Variants in MYH14 observed in about 807,000 individuals in gnomAD.
The protein encoded by MYH14 is myosin heavy chain 14, also known as myosin-14.
In MYH14, 123 loss-of-function variants were observed where a neutral mutation model predicts 255.5. That is an observed-to-expected ratio of 0.48 (90% CI 0.42 to 0.56). The LOEUF is 0.56. Among genes scored for constraint, MYH14 ranks in the 20% least tolerant of loss-of-function variants. The pLI is 0.00. For synonymous variants in MYH14, 1,095 were observed against 1,161.2 expected, an observed-to-expected ratio of 0.94 and a Z score of 1.16; for missense variants, 2,423 against 2,802.3, an observed-to-expected ratio of 0.86 and a Z score of 3.06.
intron 26 of MYH14, 43 bp downstream of exon 26, chr19:50,272,015 T>C (rs1192598547): frequency 2.5e-6 from 4 of 1,592,538 alleles, no homozygotes; most frequent in Admixed American, 1.8e-5. Flanking sequence ...TGTGCTCTAA[T>C]GGGGGACCTC....
intron 1 of MYH14, among the ~76,000 whole-genome samples, chr19:50,206,629 G>A (rs577333786): frequency 1.3e-5 from 2 of 152,088 alleles, no homozygotes; most frequent in Non-Finnish European, 2.9e-5. Flanking sequence ...TGGGCTTGGG[G>A]ATGGGAGGAG....
Position 50,278,248 on chromosome 19 carries a change from A to G in MYH14, c.3991A>G (p.Arg1331Gly). The G allele has an allele frequency of 6.3e-7, 1 of 1,590,904 alleles. No individual in the cohort carries two copies. The highest frequency in any genetic ancestry group is 2.3e-5 in the East Asian group (1 of 43,878). Residue 1331 changes from arginine (R) to glycine (G), a missense_variant, in exon 30 of 43, where the codon AGG (arginine) becomes GGG (glycine). Coordinates refer to ENST00000642316, the MANE Select transcript of MYH14 (RefSeq NM_001145809.2). ...EVQGRAGDGE[R>G]ARAEAAEKLQ... Reference sequence around the variant, plus strand: ...GCAGGGCCGGGCTGGTGATGGGGAGAGGGCACGAGCGGAGGCTGCTGAGAA... The same window carrying G: ...GCAGGGCCGGGCTGGTGATGGGGAGGGGGCACGAGCGGAGGCTGCTGAGAA...
intron 2 of MYH14, 108 bp from the exon 3 acceptor site, chr19:50,217,507 T>G: frequency 8.3e-7 from 1 of 1,203,816 alleles, no homozygotes; most frequent in Non-Finnish European, 1.2e-6. Flanking sequence ...AGACATACCA[T>G]GTGCAGATAG....
At chr19:50,307,251 C>T in intron 41 of MYH14, 94 bp downstream of exon 41, 1 of 750,746 alleles carries the variant, frequency 1.3e-6, no homozygotes, top group South Asian at 1.6e-5. Flanking sequence ...GCTCCCATCA[C>T]AAGAAGCAAT....
At chr19:50,301,472 T>G (rs1440563298) in intron 39 of MYH14, among the ~76,000 whole-genome samples, 189 bp from the exon 40 acceptor site, 1 of 152,168 alleles carries the variant, frequency 6.6e-6, no homozygotes, top group Non-Finnish European at 1.5e-5. Context: ...GGCAGTGCTG[T>G]GGGTGACAAG....
chr19:50,251,569 C>CATATATATATATATAT (rs1319522599), intron 15 of MYH14, among the ~76,000 whole-genome samples: 11 of 121,132 alleles, frequency 9.1e-5, no homozygotes, highest in Admixed American at 6.5e-4. Context: ...CACACACACA[C>CATATATATATATATAT]ATATATATAT....
chr19:50,231,288 C>T (rs956976004), intron 9 of MYH14, among the ~76,000 whole-genome samples: 1 of 152,258 alleles, frequency 6.6e-6, no homozygotes, highest in African/African-American at 2.4e-5. Flanking sequence ...TGTCCTTGGG[C>T]GCCGGCCCCT....
chr19:50,284,580 C>T (rs2035830068), intron 33 of MYH14, among the ~76,000 whole-genome samples: 1 of 151,340 alleles, frequency 6.6e-6, no homozygotes, highest in African/African-American at 2.4e-5. Context: ...TTAGTAAAGA[C>T]AGGGTTTCAC....
At chr19:50,294,351 G>A (rs891438523) in intron 39 of MYH14, among the ~76,000 whole-genome samples, 1 of 152,004 alleles carries the variant, frequency 6.6e-6, no homozygotes, top group Admixed American at 6.6e-5. Context: ...TAAAGGAAGT[G>A]TAAGAGTTTG....
chr19:50,216,631 G>A (rs1215400484), intron 2 of MYH14, among the ~76,000 whole-genome samples: 1 of 151,628 alleles, frequency 6.6e-6, no homozygotes, highest in East Asian at 1.9e-4. Flanking sequence ...AAAAGACTAG[G>A]CATGGTCATG....
At chr19:50,226,459 G>T (rs1389967162) in intron 7 of MYH14, among the ~76,000 whole-genome samples, 1 of 144,528 alleles carries the variant, frequency 6.9e-6, no homozygotes, top group East Asian at 2.1e-4. Context: ...AGGGGCTGGG[G>T]GCCTGGACTT....
Position 50,267,005 on chromosome 19 carries a change from A to T in MYH14, c.2823A>T (p.Ala941=). Residue 941 remains alanine (A), a synonymous_variant, in exon 23 of 43, where the codon GCA becomes GCT. Coordinates refer to ENST00000642316, the MANE Select transcript of MYH14 (RefSeq NM_001145809.2). ...TTGGGGAGCTCCAGGGCCGAGTGGC[A>T]CAGGTGAGGGGGCGGGGGCAGGGCG... The part of the protein sequence containing the change: ...REVGELQGRV[A]QLEEERARLA... 6.4e-7 allele frequency: 1 copy of T among 1,559,376 alleles called. No homozygotes were observed. The highest frequency in any genetic ancestry group is 8.7e-7 in the Non-Finnish European group (1 of 1,152,834).
chr19:50,269,687 A>G (rs1321240971), intron 24 of MYH14, among the ~76,000 whole-genome samples: 1 of 152,182 alleles, frequency 6.6e-6, no homozygotes, highest in African/African-American at 2.4e-5. Context: ...TCACAACAAC[A>G]GGTGGAGGTG....
intron 9 of MYH14, 142 bp from the exon 10 acceptor site, chr19:50,231,788 T>G: frequency 9.2e-7 from 1 of 1,092,790 alleles, no homozygotes; most frequent in Non-Finnish European, 1.3e-6. Context: ...CCCCCGACCC[T>G]TCCCACCACA....
chr19:50,260,812 TGTGTGTGCAA>T (rs1282143036), intron 20 of MYH14, 97 bp downstream of exon 20: 5 of 867,680 alleles, frequency 5.8e-6, no homozygotes, highest in Non-Finnish European at 8.9e-6. Context: ...TGTGCATGCG[TGTGTGTGCAA>T]GTGTGTGTGC....
intron 15 of MYH14, among the ~76,000 whole-genome samples, chr19:50,251,168 C>A (rs1313107536): frequency 6.6e-6 from 1 of 152,066 alleles, no homozygotes; most frequent in African/African-American, 2.4e-5. Flanking sequence ...GGGAAAGCTT[C>A]ACAGAAGAGA....
intron 2 of MYH14, among the ~76,000 whole-genome samples, chr19:50,215,432 C>G (rs2032425548): frequency 6.6e-6 from 1 of 152,214 alleles, no homozygotes; most frequent in Non-Finnish European, 1.5e-5. Context: ...GCCACCCACC[C>G]TCCCACCGTT....
Position 50,259,217 on chromosome 19 carries a change from G to A in MYH14, c.2306G>A (p.Cys769Tyr). The A allele has an allele frequency of 6.3e-7, 1 of 1,588,126 alleles. No homozygotes were observed. Among genetic ancestry groups the A allele is most frequent in the East Asian group, 2.3e-5 (1 of 43,762 alleles). ...CNGVLEGIRI[C>Y]RQGFPNRILF... is the part of the protein sequence containing the mutation. ...GGGGTCCTGGAGGGCATCCGCATCT[G>A]TCGCCAGGGCTTCCCCAACCGCATC... is the stretch of plus-strand genomic sequence containing the variant. Residue 769 changes from cysteine (C) to tyrosine (Y), a missense_variant, in exon 19 of 43, where the codon TGT (cysteine) becomes TAT (tyrosine). Coordinates refer to ENST00000642316, the MANE Select transcript of MYH14 (RefSeq NM_001145809.2).
chr19:50,244,477 G>GC, intron 11 of MYH14, 140 bp downstream of exon 11: 2 of 561,028 alleles, frequency 3.6e-6, no homozygotes, highest in East Asian at 6.3e-5. Flanking sequence ...CTGATTTCCT[G>GC]CATTTTTTTT....
Sources: allele counts gnomAD v4.1 joint callset (sites outside exome capture counted in the v4.1 genomes callset), GRCh38; gene constraint gnomAD v4.1.1; transcripts MANE v1.5; gene names NCBI Gene and HGNC (gene_info 2026-07-23, HGNC 2026-07-21).